HDAC4: variants seen among roughly 807,000 people sequenced by gnomAD.
HDAC4 encodes histone deacetylase A.
Under a neutral mutation model 135.1 loss-of-function variants are expected in HDAC4, and 16 were observed. That is an observed-to-expected ratio of 0.12 (90% CI 0.08 to 0.18). HDAC4 has a LOEUF of 0.18. Among genes scored for constraint, HDAC4 ranks in the 10% least tolerant of loss-of-function variants. The probability of loss-of-function intolerance (pLI) is 1.00; values close to 1 mark genes in which losing one functional copy is unlikely to be tolerated. For synonymous variants in HDAC4, 685 were observed against 653.4 expected, an observed-to-expected ratio of 1.05 and a Z score of -0.74; for missense variants, 1,143 against 1,511.8, an observed-to-expected ratio of 0.76 and a Z score of 4.05.
intron 11 of HDAC4, among the ~76,000 whole-genome samples, chr2:239,128,920 C>T (rs544827189): frequency 2.0e-5 from 3 of 152,190 alleles, no homozygotes; most frequent in East Asian, 1.9e-4. Context: ...GGCTACACAG[C>T]GCTCCCAGGC....
At chr2:239,301,773 T>C (rs530508422) in intron 2 of HDAC4, among the ~76,000 whole-genome samples, 1 of 152,170 alleles carries the variant, frequency 6.6e-6, no homozygotes, top group East Asian at 1.9e-4. Context: ...TGAGAGCCAC[T>C]GTAGGCCTAT....
chr2:239,111,145 G>A (rs1370723954), intron 14 of HDAC4, among the ~76,000 whole-genome samples: 1 of 152,236 alleles, frequency 6.6e-6, no homozygotes, highest in African/African-American at 2.4e-5. Context: ...CGTCAACGCT[G>A]TGGACGTGGG....
chr2:239,200,775 G>C (rs2153072856), intron 3 of HDAC4, among the ~76,000 whole-genome samples: 1 of 152,220 alleles, frequency 6.6e-6, no homozygotes, highest in South Asian at 2.1e-4. Context: ...ACGCGTCACA[G>C]GCAGATTGCA....
chr2:239,245,064 C>T lies in HDAC4; in HGVS notation c.23-8400G>A, dbSNP rs1381289566. On this transcript the variant is annotated intron_variant, in intron 2 of 26. Coordinates refer to ENST00000543185, the MANE Select transcript of HDAC4 (RefSeq NM_001378414.1). The surrounding 1 kb of genome is among the most constrained non-coding windows in gnomAD (Gnocchi z 4.4). ...GAGTAAGTGCTGTGAATTCCTCAGG[C>T]ATGTCCAACATAGTTTATGTGCATT... 1.3e-5 allele frequency among the ~76,000 whole-genome samples: 2 copies of T among 152,204 alleles called. No homozygotes were observed. The highest frequency in any genetic ancestry group is 4.8e-5 in the African/African-American group (2 of 41,452).
At chr2:239,318,344 A>G (rs1439814263) in intron 2 of HDAC4, among the ~76,000 whole-genome samples, 2 of 152,262 alleles carry the variant, frequency 1.3e-5, no homozygotes, top group African/African-American at 2.4e-5. Flanking sequence ...CCCAAGCTGA[A>G]AAACATTTTA....
intron 3 of HDAC4, among the ~76,000 whole-genome samples, chr2:239,209,458 T>C (rs1319669093): frequency 6.6e-6 from 1 of 152,200 alleles, no homozygotes; most frequent in Non-Finnish European, 1.5e-5. Flanking sequence ...CAAACACTTA[T>C]CCTACTATTC....
At chr2:239,162,544 C>T (rs575911724) in intron 6 of HDAC4, among the ~76,000 whole-genome samples, 1 of 152,350 alleles carries the variant, frequency 6.6e-6, no homozygotes, top group East Asian at 1.9e-4. Context: ...CCAAAGCGGG[C>T]TCCCAGGTGC....
chr2:239,134,324 G>T lies in HDAC4; in HGVS notation c.1215C>A (p.Asp405Glu). Residue 405 changes from aspartate to glutamate, a missense_variant, in exon 11 of 27, where the codon GAC (aspartate) becomes GAA (glutamate). Transcript: ENST00000543185. The part of the protein sequence containing the change: ...PYLSTSPLER[D>E]GGAAHSPLLQ... ...GAAGAGGGCTGTGCGCTGCCCCTCC[G>T]TCCCGCTCCAAGGGCGAGGTGCTCA... 6.2e-7 allele frequency: 1 copy of T among 1,613,896 alleles called. No individual in the cohort carries two copies. Among genetic ancestry groups the T allele is most frequent in the Non-Finnish European group, 8.5e-7 (1 of 1,179,992 alleles).
chr2:239,053,661 G>A lies in HDAC4; in HGVS notation c.3089-60C>T, dbSNP rs537013152. The A allele has an allele frequency of 2.1e-5, 31 of 1,493,562 alleles. No individual in the cohort carries two copies. In the South Asian group the frequency reaches 3.0e-4, roughly 14 times the overall value. The allele number at this position is 1,493,562 out of a possible 1,614,324, so 92.5% of individuals were successfully genotyped here. A position where few individuals can be genotyped will look rare whatever the true frequency, so the allele number is the denominator to read the frequency against. Reference sequence around the variant, plus strand: ...CTACAACTTAGCAGGATGCACTGAGGCCCGGGAAGGTCCTGCGGGACCCTG... The same window carrying A: ...CTACAACTTAGCAGGATGCACTGAGACCCGGGAAGGTCCTGCGGGACCCTG... On this transcript the variant is annotated intron_variant, in intron 25 of 26. Coordinates refer to ENST00000543185, the MANE Select transcript of HDAC4 (RefSeq NM_001378414.1).
intron 22 of HDAC4, among the ~76,000 whole-genome samples, chr2:239,077,297 T>C (rs1358266926): frequency 6.6e-6 from 1 of 152,244 alleles, no homozygotes; most frequent in African/African-American, 2.4e-5. Flanking sequence ...CCTTCTCCCA[T>C]AATGTCCCGT....
At position 239,078,053 on chromosome 2, in the gene HDAC4, C is replaced by T. The variant is rs192840038; in HGVS notation, c.2750+3042G>A. ...ACGAACCACGGGCATCTGGATGTGG[C>T]GCTCATCCCTGACGGAAGAGTCCCC... On this transcript the variant is annotated intron_variant, in intron 22 of 26. Transcript: ENST00000543185. Among the ~76,000 whole-genome samples the T allele has an allele frequency of 9.8e-5, 15 of 152,310 alleles. No individual in the cohort carries two copies. The South Asian group carries it at 1.0e-3, about 11-fold the overall frequency.
At chr2:239,239,183 A>G (rs541122752) in intron 2 of HDAC4, among the ~76,000 whole-genome samples, 1 of 152,292 alleles carries the variant, frequency 6.6e-6, no homozygotes, top group South Asian at 2.1e-4. Context: ...CCCCCATTTC[A>G]GACACAAGTC....
At chr2:239,154,068 T>TC (rs2042275367) in intron 7 of HDAC4, among the ~76,000 whole-genome samples, 1 of 152,144 alleles carries the variant, frequency 6.6e-6, no homozygotes, top group Non-Finnish European at 1.5e-5. Flanking sequence ...CTCCTAGGGC[T>TC]CCCCCATCCC....
At chr2:239,199,581 T>A (rs964360297) in intron 3 of HDAC4, among the ~76,000 whole-genome samples, 4 of 152,104 alleles carry the variant, frequency 2.6e-5, no homozygotes, top group Admixed American at 1.3e-4. Context: ...GAGGAGGGTG[T>A]GTTTTCCGGT....
chr2:239,281,614 CACAATGTACACACCACTCT>C (rs1340363064), intron 2 of HDAC4, among the ~76,000 whole-genome samples: 25 of 143,762 alleles, frequency 1.7e-4, no homozygotes, highest in African/African-American at 4.4e-4. Context: ...CCACTCTACA[CACAATGTACACACCACTCT>C]ACAATGTACA....
chr2:239,374,177 AC>A (rs1370004816), intron 1 of HDAC4, among the ~76,000 whole-genome samples: 1 of 152,146 alleles, frequency 6.6e-6, no homozygotes, highest in Non-Finnish European at 1.5e-5. Context: ...CAGCCGGTGA[AC>A]AGCAGAACAA....
At chr2:239,398,171 C>T (rs1026868242) in intron 1 of HDAC4, among the ~76,000 whole-genome samples, 7 of 152,246 alleles carry the variant, frequency 4.6e-5, no homozygotes, top group African/African-American at 1.7e-4. Flanking sequence ...TCGGCCTCTG[C>T]GGCTCCTTCG....
intron 2 of HDAC4, among the ~76,000 whole-genome samples, chr2:239,341,720 C>T (rs893232619): frequency 4.6e-5 from 7 of 152,178 alleles, no homozygotes; most frequent in Non-Finnish European, 1.0e-4. Flanking sequence ...AAAAGGAATA[C>T]CTTTGGCTAT....
At chr2:239,156,131 G>A (rs1030172583) in intron 7 of HDAC4, among the ~76,000 whole-genome samples, 4 of 152,244 alleles carry the variant, frequency 2.6e-5, no homozygotes, top group Non-Finnish European at 5.9e-5. Context: ...GCTTAGGACA[G>A]AACTGTGGCA....
Sources: allele counts gnomAD v4.1 joint callset (sites outside exome capture counted in the v4.1 genomes callset), GRCh38; gene constraint gnomAD v4.1.1; non-coding constraint Gnocchi (gnomAD v3.1); transcripts MANE v1.5; gene names NCBI Gene and HGNC (gene_info 2026-07-23, HGNC 2026-07-21).